The following RTL4 variants were observed in gnomAD, a reference collection of about 807,000 sequenced individuals.
The protein encoded by RTL4 is retrotransposon Gag like 4.
RTL4 carries 4 observed loss-of-function variants against 5.3 expected under a neutral mutation model. That is an observed-to-expected ratio of 0.75 (90% CI 0.37 to 1.72). The LOEUF (loss-of-function observed/expected upper bound fraction) is 1.72. Among genes scored for constraint, RTL4 ranks in the 40% most tolerant of loss-of-function variants. RTL4 has a pLI of 0.04. For synonymous variants in RTL4, 98 were observed against 87.3 expected, an observed-to-expected ratio of 1.12 and a Z score of -0.68; for missense variants, 260 against 227.1, an observed-to-expected ratio of 1.14 and a Z score of -0.93.
chrX:112,169,546 G>A, the RTL4 span, among the ~76,000 whole-genome samples: 2 of 111,522 alleles, frequency 1.8e-5, no homozygotes. Context: ...AAAAGAGCGA[G>A]ACTTGTGGCA....
At chrX:112,352,433 C>G in the RTL4 span, among the ~76,000 whole-genome samples, 1 of 111,562 alleles carries the variant, frequency 9.0e-6, no homozygotes, top group African/African-American at 3.3e-5. Flanking sequence ...TCAAACTATA[C>G]TACAAGGCTA....
chrX:112,088,000 C>CT, the RTL4 span, among the ~76,000 whole-genome samples: 600 of 98,953 alleles, frequency 6.1e-3, 5 homozygotes, highest in African/African-American at 8.1e-3. Context: ...AAAACATTTT[C>CT]TTTTTTTTTT....
the RTL4 span, among the ~76,000 whole-genome samples, chrX:112,130,338 T>C: frequency 9.7e-6 from 1 of 102,655 alleles, no homozygotes; most frequent in Admixed American, 1.1e-4. Flanking sequence ...AGATAGACAA[T>C]TAGATCAGTT....
the RTL4 span, among the ~76,000 whole-genome samples, chrX:112,180,624 C>A: frequency 8.9e-6 from 1 of 111,755 alleles, no homozygotes; most frequent in Non-Finnish European, 1.9e-5. Flanking sequence ...GATCTCATCC[C>A]ATCCTTATAC....
At chrX:112,137,469 A>C in the RTL4 span, among the ~76,000 whole-genome samples, 3 of 112,076 alleles carry the variant, frequency 2.7e-5, no homozygotes, top group African/African-American at 9.7e-5. Flanking sequence ...CACATCCTTC[A>C]CAAGGTGGCA....
the RTL4 span, among the ~76,000 whole-genome samples, chrX:112,246,789 C>T: frequency 9.0e-6 from 1 of 111,217 alleles, no homozygotes; most frequent in Non-Finnish European, 1.9e-5. Context: ...AGAAATCACC[C>T]GTCTTCTGCA....
At chrX:112,085,473 G>A in the RTL4 span, among the ~76,000 whole-genome samples, 1 of 112,208 alleles carries the variant, frequency 8.9e-6, no homozygotes, top group Non-Finnish European at 1.9e-5. Flanking sequence ...ACTGTTATGA[G>A]GAATCCAGAG....
the RTL4 span, among the ~76,000 whole-genome samples, chrX:112,195,988 C>T: frequency 8.1e-5 from 9 of 111,398 alleles, no homozygotes; most frequent in Non-Finnish European, 1.7e-4. Flanking sequence ...AGATCTAACG[C>T]ACTCTTTACC....
At chrX:112,305,537 T>A in the RTL4 span, among the ~76,000 whole-genome samples, 1 of 109,394 alleles carries the variant, frequency 9.1e-6, no homozygotes, top group Admixed American at 9.8e-5. Flanking sequence ...TAATTTTTTG[T>A]ATTTTTAGTA....
chrX:112,334,107 T>C, the RTL4 span, among the ~76,000 whole-genome samples: 2 of 111,791 alleles, frequency 1.8e-5, no homozygotes, highest in African/African-American at 6.5e-5. Flanking sequence ...TCCAGTTCCA[T>C]CCATGTTGTT....
chrX:112,448,957 A>G, the RTL4 span, among the ~76,000 whole-genome samples: 1 of 112,081 alleles, frequency 8.9e-6, no homozygotes, highest in African/African-American at 3.2e-5. Context: ...TGGTTCCTTA[A>G]TAGAATTAAG....
At chrX:112,268,753 A>C in the RTL4 span, among the ~76,000 whole-genome samples, 1 of 112,216 alleles carries the variant, frequency 8.9e-6, no homozygotes, top group East Asian at 2.8e-4. Flanking sequence ...AAAAATTCTA[A>C]AAAGGCTAAC....
chrX:112,244,715 G>A, the RTL4 span, among the ~76,000 whole-genome samples: 1 of 111,796 alleles, frequency 8.9e-6, no homozygotes, highest in Non-Finnish European at 1.9e-5. Flanking sequence ...ATATTGTTAT[G>A]TGTGAATTTG....
upstream of RTL4, among the ~76,000 whole-genome samples, chrX:112,452,729 G>A (rs1292208672): frequency 1.8e-5 from 2 of 111,614 alleles, no homozygotes; most frequent in Non-Finnish European, 3.8e-5. Flanking sequence ...CACCTTCTGA[G>A]GTAAGTAAAA....
the RTL4 span, among the ~76,000 whole-genome samples, chrX:112,194,703 A>G: frequency 8.9e-6 from 1 of 112,180 alleles, no homozygotes; most frequent in African/African-American, 3.2e-5. Context: ...GCAGAGTGGG[A>G]ACAGGAAACC....
At chrX:112,435,089 A>T in the RTL4 span, among the ~76,000 whole-genome samples, 1 of 111,151 alleles carries the variant, frequency 9.0e-6, no homozygotes, top group East Asian at 2.8e-4. Context: ...CATGGGGGAA[A>T]CTGCCTCCAT....
the RTL4 span, among the ~76,000 whole-genome samples, chrX:112,141,436 A>G: frequency 9.0e-6 from 1 of 111,729 alleles, no homozygotes; most frequent in Non-Finnish European, 1.9e-5. Context: ...TATAGTTGCT[A>G]TATCCTCTGG....
chrX:112,094,778 T>C, the RTL4 span, among the ~76,000 whole-genome samples: 1 of 111,867 alleles, frequency 8.9e-6, no homozygotes, highest in Non-Finnish European at 1.9e-5. Context: ...CTAAGAAGTC[T>C]GGCAAAATAA....
chrX:112,164,613 G>A, the RTL4 span, among the ~76,000 whole-genome samples: 9 of 112,094 alleles, frequency 8.0e-5, no homozygotes, highest in Non-Finnish European at 1.1e-4. Flanking sequence ...TGTTGCCAGA[G>A]GAGGCTGAGT....
Sources: gnomAD v4.1 joint callset for allele counts (sites outside exome capture counted in the v4.1 genomes callset) on GRCh38, gnomAD v4.1.1 for gene constraint, MANE v1.5 for transcripts, NCBI Gene and HGNC (gene_info 2026-07-23, HGNC 2026-07-21) for gene names.